The following ATP8B1 variants were observed in gnomAD, a reference collection of about 807,000 sequenced individuals.
ATP8B1 encodes ATPase phospholipid transporting 8B1, also known as phospholipid-transporting ATPase IC.
Under a neutral mutation model 149.9 loss-of-function variants are expected in ATP8B1, and 80 were observed. The ratio of observed to expected loss-of-function variants is 0.53; its 90% CI spans 0.45 to 0.64. ATP8B1 has a LOEUF of 0.64. Ranked by LOEUF, ATP8B1 falls within the 30% of genes least tolerant of loss-of-function variation. ATP8B1 has a pLI of 0.00. For missense variants in ATP8B1, 1,247 were observed against 1,552.6 expected, an observed-to-expected ratio of 0.80 and a Z score of 3.31; for synonymous variants, 536 against 562.8, an observed-to-expected ratio of 0.95 and a Z score of 0.67.
At chr18:57,735,967 G>GCCCCCCCCCCCCCCCCCC (rs59140378) in intron 1 of ATP8B1, among the ~76,000 whole-genome samples, 2 of 134,336 alleles carry the variant, frequency 1.5e-5, no homozygotes, top group African/African-American at 2.9e-5. Context: ...CCCATTCCTT[G>GCCCCCCCCCCCCCCCCCC]CCCCCCCCAC....
rs147263393 is a variant in ATP8B1, at chr18:57,756,192, CATATAT to C, written c.-25-24366_-25-24361del. 8.6e-3 allele frequency among the ~76,000 whole-genome samples: 727 copies of C among 84,738 alleles called. 36 individuals are homozygous for C. The highest frequency in any genetic ancestry group is 0.021 in the African/African-American group (461 of 21,942). 55.6% of individuals were successfully genotyped at this position (84,738 alleles called of 152,430 possible). On this transcript the variant is annotated intron_variant, in intron 1 of 27. Transcript: ENST00000648908. Reference sequence around the variant, plus strand: ...CCTTTAATCTGAAACATTTCCACAACATATATATATATATATATACACACACACACA... The same window carrying C: ...CCTTTAATCTGAAACATTTCCACAACATATATATATATACACACACACACA...
In ATP8B1 at chr18:57,661,447, C is replaced by T. The variant is rs773143911; in HGVS notation, c.2434G>A (p.Glu812Lys). Residue 812 changes from glutamate (E) to lysine (K), a missense_variant, in exon 22 of 28, where the codon GAG (glutamate) becomes AAG (lysine). Physicochemically the swap from Glu to Lys is moderately conservative, Grantham distance 56. Transcript: ENST00000648908. Reference sequence around the variant, plus strand: ...ATCTTATTTCTCTTGGTCTTTTTCTCGAGAAGAATTTCATTCTGTGAAATC... The same window carrying T: ...ATCTTATTTCTCTTGGTCTTTTTCTTGAGAAGAATTTCATTCTGTGAAATC... ...TGSWLNEILL[E>K]KKTKRNKILK... The T allele has an allele frequency of 8.1e-6, 13 of 1,613,172 alleles. No homozygotes were observed. The highest frequency in any genetic ancestry group is 2.2e-5 in the South Asian group (2 of 90,984).
In ATP8B1 at chr18:57,684,188, A is replaced by G. The variant is rs770312089; in HGVS notation, c.1478T>C (p.Val493Ala). 164 of 1,613,662 alleles carry G rather than the reference A, an allele frequency of 1.0e-4. No individual in the cohort carries two copies. Among genetic ancestry groups the G allele is most frequent in the Non-Finnish European group, 1.3e-4 (158 of 1,179,740 alleles). Residue 493 changes from valine to alanine, a missense_variant, in exon 15 of 28, where the codon GTT becomes GCT. Physicochemically the swap from Val to Ala is moderately conservative, Grantham distance 64. Coordinates refer to ENST00000648908, the MANE Select transcript of ATP8B1 (RefSeq NM_001374385.1). Reference protein sequence around the residue: ...SQHNHNKIEQVDFSWNTYADG... With the variant: ...SQHNHNKIEQADFSWNTYADG... ...AGCATATGTATTCCAGCTAAAATCA[A>G]CTTGCTGAAAGAAATGGAGAAAAAC...
chr18:57,716,323 A>G (rs1022482674), intron 2 of ATP8B1, among the ~76,000 whole-genome samples: 1 of 152,170 alleles, frequency 6.6e-6, no homozygotes, highest in Non-Finnish European at 1.5e-5. Context: ...AAAACATAAC[A>G]AAATGGCAAG....
At chr18:57,769,724 C>A (rs1197258133) in intron 1 of ATP8B1, among the ~76,000 whole-genome samples, 1 of 152,210 alleles carries the variant, frequency 6.6e-6, no homozygotes, top group African/African-American at 2.4e-5. Context: ...CATTCAGGAG[C>A]ACTGAGCCTG....
chr18:57,704,123 C>T (rs979147387), intron 4 of ATP8B1, among the ~76,000 whole-genome samples: 2 of 151,974 alleles, frequency 1.3e-5, no homozygotes, highest in South Asian at 2.1e-4. Context: ...TGCACCATCA[C>T]GCCTGGCTAA....
intron 1 of ATP8B1, among the ~76,000 whole-genome samples, chr18:57,732,643 A>C (rs949771836): frequency 1.3e-5 from 2 of 151,390 alleles, no homozygotes; most frequent in African/African-American, 4.9e-5. Flanking sequence ...GCTCACTGTC[A>C]CCTCCGCCTC....
chr18:57,669,412 T>C lies in ATP8B1; in HGVS notation c.2003A>G (p.Glu668Gly). 6.2e-7 allele frequency: 1 copy of C among 1,613,798 alleles called. No homozygotes were observed. The highest frequency in any genetic ancestry group is 8.5e-7 in the Non-Finnish European group (1 of 1,179,738). The change falls in exon 18 of 28, where the codon GAA becomes GGA. Residue 668 changes from glutamate (E) to glycine (G), a missense_variant. Physicochemically the swap from Glu to Gly is moderately conservative, Grantham distance 98. Transcript: ENST00000648908. ...GGCAGCCATAAACTTTTTATTCCAT[T>C]CTGTAAATTCTTTTTCTTCAATTTC... ...YKEIEEKEFT[E>G]WNKKFMAASV...
At chr18:57,787,886 G>T (rs2080425458) in intron 1 of ATP8B1, among the ~76,000 whole-genome samples, 1 of 152,098 alleles carries the variant, frequency 6.6e-6, no homozygotes, top group Non-Finnish European at 1.5e-5. Flanking sequence ...GTGTAGACAT[G>T]ACAGTACTGG....
At chr18:57,781,809 C>T (rs914769726) in intron 1 of ATP8B1, among the ~76,000 whole-genome samples, 5 of 150,006 alleles carry the variant, frequency 3.3e-5, no homozygotes, top group African/African-American at 1.3e-4. Context: ...AAGGATACCC[C>T]TGTCTCTACA....
At position 57,685,112 on chromosome 18, in the gene ATP8B1, T is replaced by C. The variant is rs200214627; in HGVS notation, c.1433A>G (p.Asp478Gly). 108 of 1,614,154 alleles carry C rather than the reference T, an allele frequency of 6.7e-5. 3 individuals carry two copies. The Admixed American group carries it at 1.8e-3, about 27-fold the overall frequency. Residue 478 changes from aspartate to glycine, a missense_variant, in exon 14 of 28, where the codon GAC becomes GGC. Physicochemically the swap from Asp to Gly is moderately conservative, Grantham distance 94. Around this residue, in one of 3 missense-constraint regions of ATP8B1, gnomAD observed 853 missense variants for 1,035.7 expected, o/e 0.82. Coordinates refer to ENST00000648908, the MANE Select transcript of ATP8B1 (RefSeq NM_001374385.1). ...KCCINGQIYGDHRDASQHNHN... is the reference protein window; with the variant it reads ...KCCINGQIYGGHRDASQHNHN... ...GTTGTGTTGAGAGGCATCCCGATGG[T>C]CCCCTGAGAAACAAACAGGACAAAA...
intron 1 of ATP8B1, among the ~76,000 whole-genome samples, chr18:57,747,092 C>G (rs1401482523): frequency 6.6e-6 from 1 of 152,204 alleles, no homozygotes; most frequent in East Asian, 1.9e-4. Context: ...CCAACCATTA[C>G]TTAGCACTAA....
At chr18:57,756,672 T>TCTCTCTCTCTCTC (rs71171083) in intron 1 of ATP8B1, among the ~76,000 whole-genome samples, 1 of 151,860 alleles carries the variant, frequency 6.6e-6, no homozygotes, top group Non-Finnish European at 1.5e-5. Context: ...TCTCTCTCTC[T>TCTCTCTCTCTCTC]TTTTAAAACT....
intron 11 of ATP8B1, among the ~76,000 whole-genome samples, chr18:57,692,736 T>A (rs319450): frequency 0.74 from 111,847 of 152,082 alleles, 44,113 homozygotes; most frequent in Admixed American, 0.87. Flanking sequence ...AGCCAGAATT[T>A]TTTTTTCAGG....
chr18:57,649,334 C>T (rs1431664968), intron 27 of ATP8B1, among the ~76,000 whole-genome samples: 1 of 151,834 alleles, frequency 6.6e-6, no homozygotes, highest in African/African-American at 2.4e-5. Context: ...ATATTGAAGC[C>T]AAGGGAAGGT....
chr18:57,745,935 A>G (rs2079959993), intron 1 of ATP8B1, among the ~76,000 whole-genome samples: 1 of 152,204 alleles, frequency 6.6e-6, no homozygotes, highest in African/African-American at 2.4e-5. Context: ...TGTTGGGATG[A>G]TATGCATGAG....
chr18:57,775,276 A>T (rs1395598063), intron 1 of ATP8B1, among the ~76,000 whole-genome samples: 4 of 152,038 alleles, frequency 2.6e-5, no homozygotes, highest in African/African-American at 9.7e-5. Context: ...TGATCATGTC[A>T]TTGCAGTCCA....
chr18:57,799,941 A>G (rs978649475), intron 1 of ATP8B1, among the ~76,000 whole-genome samples: 1 of 152,156 alleles, frequency 6.6e-6, no homozygotes, highest in Admixed American at 6.6e-5. Flanking sequence ...TGAAAAATAT[A>G]ACCTGTCTTC....
chr18:57,756,774 G>A (rs544754893), intron 1 of ATP8B1, among the ~76,000 whole-genome samples: 5 of 152,160 alleles, frequency 3.3e-5, no homozygotes, highest in East Asian at 1.9e-4. Context: ...GTGATGCTGC[G>A]TCCTTTCAGA....
Sources: allele counts gnomAD v4.1 joint callset (sites outside exome capture counted in the v4.1 genomes callset), GRCh38; gene constraint gnomAD v4.1.1; regional missense constraint gnomAD v4.1.1; transcripts MANE v1.5; gene names NCBI Gene and HGNC (gene_info 2026-07-23, HGNC 2026-07-21).